PTPN14: variants seen among roughly 807,000 people sequenced by gnomAD.
PTPN14 encodes protein tyrosine phosphatase non-receptor type 14, also known as tyrosine-protein phosphatase non-receptor type 14.
A neutral mutation model predicts 126.8 loss-of-function variants in PTPN14; 53 were observed. That is an observed-to-expected ratio of 0.42 (90% confidence interval 0.34 to 0.53). The LOEUF is 0.53. Ranked by LOEUF, PTPN14 falls within the 20% of genes least tolerant of loss-of-function variation. The pLI, the probability that PTPN14 is intolerant of heterozygous loss-of-function variation, is 0.08. For missense variants in PTPN14, 1,257 were observed against 1,552.9 expected, an observed-to-expected ratio of 0.81 and a Z score of 3.20; for synonymous variants, 630 against 599.3, an observed-to-expected ratio of 1.05 and a Z score of -0.75.
At chr1:214,491,055 AAAAC>A (rs1156412907) in intron 1 of PTPN14, among the ~76,000 whole-genome samples, 4 of 149,946 alleles carry the variant, frequency 2.7e-5, no homozygotes, top group Admixed American at 6.6e-5. Flanking sequence ...GAAAGAAAGA[AAAAC>A]AAAGAAAGAA....
chr1:214,416,974 T>C (rs1200461100), intron 3 of PTPN14, among the ~76,000 whole-genome samples: 1 of 151,592 alleles, frequency 6.6e-6, no homozygotes, highest in African/African-American at 2.4e-5. Context: ...TGCAATTTCA[T>C]GGAAGTATAC....
At chr1:214,440,799 A>G (rs1660021976) in intron 3 of PTPN14, among the ~76,000 whole-genome samples, 1 of 152,250 alleles carries the variant, frequency 6.6e-6, no homozygotes, top group Non-Finnish European at 1.5e-5. Flanking sequence ...AAGAATGTGT[A>G]AATGCTGCTG....
At chr1:214,372,872 C>T (rs1386086306) in intron 15 of PTPN14, 33 bp from the exon 16 acceptor site, 3 of 1,611,394 alleles carry the variant, frequency 1.9e-6, no homozygotes, top group Admixed American at 3.3e-5. Flanking sequence ...GTAAATAAAC[C>T]CCAAGTCCGG....
At chr1:214,520,065 A>AAAAAATATATATATAT in intron 1 of PTPN14, among the ~76,000 whole-genome samples, 145 of 71,034 alleles carry the variant, frequency 2.0e-3, no homozygotes, top group Admixed American at 0.013. Flanking sequence ...AAAAAAAAAA[A>AAAAAATATATATATAT]ATATATATAT....
At chr1:214,386,420 C>T (rs1476922947) in intron 12 of PTPN14, among the ~76,000 whole-genome samples, 2 of 152,176 alleles carry the variant, frequency 1.3e-5, no homozygotes, top group Non-Finnish European at 2.9e-5. Flanking sequence ...AGAAAAACAG[C>T]TAAAAGAAAA....
chr1:214,424,292 T>C (rs1280896766), intron 3 of PTPN14, among the ~76,000 whole-genome samples: 1 of 141,082 alleles, frequency 7.1e-6, no homozygotes. Flanking sequence ...GAGACTCTAT[T>C]AAAAAAAAAA....
At chr1:214,512,801 C>T (rs1655010009) in intron 1 of PTPN14, among the ~76,000 whole-genome samples, 1 of 152,114 alleles carries the variant, frequency 6.6e-6, no homozygotes, top group Admixed American at 6.5e-5. Context: ...AGCAATCCTC[C>T]CACCTCAACC....
chr1:214,522,611 A>C (rs954953450), intron 1 of PTPN14, among the ~76,000 whole-genome samples: 1 of 152,172 alleles, frequency 6.6e-6, no homozygotes, highest in African/African-American at 2.4e-5. Flanking sequence ...AGCGTAAAAA[A>C]CAGTTAACAT....
rs190044503 is a variant in PTPN14 at position 214,462,159 on chromosome 1, T to C, written c.174+2471A>G. Reference sequence around the variant, plus strand: ...ATTTGGTCGAATGCGGATGCACCCATTAGGACGTGTCAAAATAAAGTCAGT... The same window carrying C: ...ATTTGGTCGAATGCGGATGCACCCACTAGGACGTGTCAAAATAAAGTCAGT... On this transcript the variant is annotated intron_variant, in intron 2 of 18. Coordinates refer to ENST00000366956, the MANE Select transcript of PTPN14 (RefSeq NM_005401.5). Among the ~76,000 whole-genome samples the C allele has an allele frequency of 2.0e-3, 301 of 152,226 alleles. 2 individuals are homozygous for C. Among genetic ancestry groups the C allele is most frequent in the South Asian group, 0.02 (95 of 4,806 alleles).
chr1:214,513,538 T>A (rs1231545121), intron 1 of PTPN14, among the ~76,000 whole-genome samples: 1 of 152,148 alleles, frequency 6.6e-6, no homozygotes, highest in Non-Finnish European at 1.5e-5. Context: ...AGGGCAAGCA[T>A]TCTCTTCTTG....
At chr1:214,463,730 A>G (rs1313627513) in intron 2 of PTPN14, among the ~76,000 whole-genome samples, 6 of 152,276 alleles carry the variant, frequency 3.9e-5, no homozygotes, top group Admixed American at 3.9e-4. Flanking sequence ...TGGACTCTCC[A>G]AGAGCCCAGG....
At chr1:214,485,264 G>A (rs544759717) in intron 1 of PTPN14, among the ~76,000 whole-genome samples, 39 of 152,274 alleles carry the variant, frequency 2.6e-4, no homozygotes, top group African/African-American at 9.1e-4. Flanking sequence ...TTATAAGTGA[G>A]CCTCGTATCT....
intron 5 of PTPN14, among the ~76,000 whole-genome samples, chr1:214,406,733 A>G (rs561570930): frequency 6.6e-6 from 1 of 152,244 alleles, no homozygotes; most frequent in South Asian, 2.1e-4. Flanking sequence ...CTCATTCTGA[A>G]AGAGGTATGA....
At chr1:214,483,142 A>C (rs1380428616) in intron 1 of PTPN14, 103 of 1,605,014 alleles carry the variant, frequency 6.4e-5, no homozygotes, top group Non-Finnish European at 8.0e-5. Context: ...TGCCAAGTTC[A>C]CTTTCTGAAG....
intron 11 of PTPN14, among the ~76,000 whole-genome samples, chr1:214,390,537 T>C (rs527943229): frequency 6.6e-6 from 1 of 152,342 alleles, no homozygotes; most frequent in East Asian, 1.9e-4. Flanking sequence ...ATACTCTGCC[T>C]GAGACCATCA....
chr1:214,490,053 T>A (rs1181816061), intron 1 of PTPN14, among the ~76,000 whole-genome samples: 1 of 152,242 alleles, frequency 6.6e-6, no homozygotes, highest in Non-Finnish European at 1.5e-5. Flanking sequence ...CCTCTTATAA[T>A]AAACCACTTT....
At chr1:214,391,859 A>G (rs1208129363) in intron 10 of PTPN14, among the ~76,000 whole-genome samples, 1 of 152,156 alleles carries the variant, frequency 6.6e-6, no homozygotes, top group African/African-American at 2.4e-5. Context: ...GCAATGGTGG[A>G]TTTTTAAATG....
chr1:214,390,804 T>C (rs553692039), intron 11 of PTPN14, among the ~76,000 whole-genome samples, 184 bp downstream of exon 11: 48 of 152,312 alleles, frequency 3.2e-4, no homozygotes, highest in African/African-American at 1.1e-3. Flanking sequence ...AGAGTAGTGG[T>C]GGGCATGGAT....
At chr1:214,405,663 G>A (rs1380349737) in intron 5 of PTPN14, among the ~76,000 whole-genome samples, 1 of 150,448 alleles carries the variant, frequency 6.6e-6, no homozygotes, top group East Asian at 1.9e-4. Flanking sequence ...CTCTTCAACG[G>A]TCTTATATTT....
Sources: allele counts gnomAD v4.1 joint callset (sites outside exome capture counted in the v4.1 genomes callset), GRCh38; gene constraint gnomAD v4.1.1; transcripts MANE v1.5; gene names NCBI Gene and HGNC (gene_info 2026-07-23, HGNC 2026-07-21).